Variants in NKIRAS1 observed in about 807,000 individuals in gnomAD.
The protein encoded by NKIRAS1 is NF-kappa-B inhibitor-interacting Ras-like protein 1.
A neutral mutation model predicts 19.8 loss-of-function variants in NKIRAS1; 16 were observed. That is an observed-to-expected ratio of 0.81 (90% CI 0.55 to 1.23). The LOEUF is 1.23. Among genes scored for constraint, NKIRAS1 ranks in the 50% most tolerant of loss-of-function variants. NKIRAS1 has a pLI of 0.00. For synonymous variants in NKIRAS1, 88 were observed against 79.0 expected, an observed-to-expected ratio of 1.11 and a Z score of -0.61; for missense variants, 184 against 220.0, an observed-to-expected ratio of 0.84 and a Z score of 1.04.
chr3:23,916,271 C>G (rs1704401002), intron 1 of NKIRAS1: 1 of 152,204 alleles, frequency 6.6e-6, no homozygotes, highest in Admixed American at 6.5e-5. Context: ...TGAAAATATT[C>G]TGGAGAAACA....
chr3:23,894,156 T>TA (rs1701738848), intron 4 of NKIRAS1, among the ~76,000 whole-genome samples: 1 of 152,212 alleles, frequency 6.6e-6, no homozygotes, highest in Non-Finnish European at 1.5e-5. Flanking sequence ...GAATGCTTAC[T>TA]ATACACCAGA....
chr3:23,900,841 C>T lies in NKIRAS1; in HGVS notation c.303G>A (p.Lys101=). The change falls in exon 4 of 5, where the codon AAG becomes AAA. Residue 101 remains lysine, a synonymous_variant. Transcript: ENST00000425478. ...TGTCTTTGAACTTATCGATTTCTTT[C>T]TTCAGAAGCTCCACTCTTTGAAAGG... ...LESFQRVELL[K]KEIDKFKDKK... The T allele has an allele frequency of 6.2e-7, 1 of 1,613,868 alleles. No individual in the cohort carries two copies. The highest frequency in any genetic ancestry group is 1.1e-5 in the South Asian group (1 of 91,070).
intron 4 of NKIRAS1, among the ~76,000 whole-genome samples, chr3:23,896,134 CAAAAA>C (rs71057634): frequency 2.0e-5 from 1 of 49,188 alleles, no homozygotes. Context: ...GACTCCATCT[CAAAAA>C]AAAAAAAAAA....
At chr3:23,938,826 G>T (rs1416117701) in intron 1 of NKIRAS1, among the ~76,000 whole-genome samples, 2 of 152,172 alleles carry the variant, frequency 1.3e-5, no homozygotes, top group Admixed American at 6.5e-5. Flanking sequence ...TGCATTGGAG[G>T]CCTGAGCTGC....
At chr3:23,917,935 C>A, upstream of NKIRAS1, 1 of 1,613,606 alleles carries the variant, frequency 6.2e-7, no homozygotes, top group Non-Finnish European at 8.5e-7. Context: ...TCTGAGGGTC[C>A]GCTGCTGGCA....
At chr3:23,906,496 G>C (rs938777521) in intron 3 of NKIRAS1, among the ~76,000 whole-genome samples, 8 of 152,194 alleles carry the variant, frequency 5.3e-5, no homozygotes, top group Non-Finnish European at 1.2e-4. Flanking sequence ...CTTACATGTA[G>C]ATTTTCTTTC....
rs1702438973 is a variant in NKIRAS1 at position 23,900,653 on chromosome 3, A to AAAAAAGAAAAAGAAAAAG, written c.336+154_336+155insCTTTTTCTTTTTCTTTTT. The AAAAAAGAAAAAGAAAAAG allele has an allele frequency of 5.0e-6, 3 of 604,982 alleles. No homozygotes were observed. In the African/African-American group the frequency reaches 5.6e-5, roughly 11 times the overall value. 37.5% of individuals were successfully genotyped at this position (604,982 alleles called of 1,614,324 possible). A position where few individuals can be genotyped will look rare whatever the true frequency, so the allele number is the denominator to read the frequency against. On this transcript the variant is annotated intron_variant, in intron 4 of 4. Transcript: ENST00000425478. The stretch of plus-strand genomic sequence containing the variant: ...CGAGACTCCGTCTCAAAAAAAAAAA[A>AAAAAAGAAAAAGAAAAAG]AAAAGAAAAAGAAAAAGAAAAGAAA...
chr3:23,920,549 CTA>C, upstream of NKIRAS1: 1 of 985,298 alleles, frequency 1.0e-6, no homozygotes, highest in Non-Finnish European at 1.2e-6. Context: ...GGAGACTAGA[CTA>C]CTGTTGTCCA....
intron 1 of NKIRAS1, among the ~76,000 whole-genome samples, chr3:23,929,939 T>C (rs571580437): frequency 2.6e-5 from 4 of 152,262 alleles, no homozygotes; most frequent in South Asian, 2.1e-4. Context: ...TTTTTTTTAA[T>C]TGGAAAAAAT....
rs140893851 is a variant in NKIRAS1, at chr3:23,893,748, G to A, written c.337-411C>T. On this transcript the variant is annotated intron_variant, in intron 4 of 4. Coordinates refer to ENST00000425478, the MANE Select transcript of NKIRAS1 (RefSeq NM_020345.4). ...GGAGGCAGAGAGGGTGCAGTAAGCC[G>A]AGATGGCGCCACTGCACTCCAGCCT... is the stretch of plus-strand genomic sequence containing the variant. Among the ~76,000 whole-genome samples the A allele has an allele frequency of 1.2e-4, 17 of 141,012 alleles. No homozygotes were observed. In the East Asian group the frequency reaches 2.5e-3, roughly 20 times the overall value. The allele number at this position is 141,012 out of a possible 152,430, so 92.5% of individuals were successfully genotyped here.
chr3:23,942,984 G>T (rs985458148), intron 1 of NKIRAS1, among the ~76,000 whole-genome samples: 2 of 152,212 alleles, frequency 1.3e-5, no homozygotes, highest in African/African-American at 4.8e-5. Flanking sequence ...TCCAATACCT[G>T]GGCTCATTGA....
Position 23,926,728 on chromosome 3 carries a change from G to A in NKIRAS1, c.-139-15278C>T, listed in dbSNP as rs189652118. On this transcript the variant is annotated intron_variant, in intron 1 of 4. Coordinates refer to the NKIRAS1 transcript ENST00000421515. This position sits in a 1 kb window ranked among gnomAD's most constrained non-coding sequence, Gnocchi z 4.3. The stretch of plus-strand genomic sequence containing the variant: ...CCAATGGTACAAACTGTAGAAGAAT[G>A]AACTGCTACAACACCTTTTCTAAGA... Among the ~76,000 whole-genome samples, 1 of 152,284 alleles carries A rather than the reference G, an allele frequency of 6.6e-6. No individual in the cohort carries two copies. Among genetic ancestry groups the A allele is most frequent in the East Asian group, 1.9e-4 (1 of 5,188 alleles).
chr3:23,893,266 C>T lies in NKIRAS1; in HGVS notation c.408G>A (p.Gln136=), dbSNP rs919038413. 4 of 1,613,956 alleles carry T rather than the reference C, an allele frequency of 2.5e-6. No homozygotes were observed. The highest frequency in any genetic ancestry group is 1.7e-5 in the Admixed American group (1 of 59,990). ...TTACTTTCTCACTTTTTGCCCACTG[C>T]TGTGCCACTTCAGCGTCCACTTGTC... ...EQRQVDAEVA[Q]QWAKSEKVRL... is the part of the protein sequence containing the mutation. The change falls in exon 5 of 5, where the codon CAG becomes CAA. Residue 136 remains glutamine (Q), a synonymous_variant. Coordinates refer to ENST00000425478, the MANE Select transcript of NKIRAS1 (RefSeq NM_020345.4).
chr3:23,936,554 T>G (rs1211789126), intron 1 of NKIRAS1, among the ~76,000 whole-genome samples: 2 of 152,178 alleles, frequency 1.3e-5, no homozygotes, highest in South Asian at 2.1e-4. Context: ...TTTTTCTTTT[T>G]TTTTTCTTTT....
chr3:23,910,638 A>G (rs529651581), intron 3 of NKIRAS1, among the ~76,000 whole-genome samples, 173 bp downstream of exon 3: 31 of 152,190 alleles, frequency 2.0e-4, no homozygotes, highest in Admixed American at 9.2e-4. Context: ...CTTGAATTTC[A>G]ATAACACTAA....
Position 23,922,664 on chromosome 3 carries a change from G to A in NKIRAS1, c.-139-11214C>T, listed in dbSNP as rs1016473526. On this transcript the variant is annotated intron_variant, in intron 1 of 4. Transcript: ENST00000421515. The surrounding 1 kb of genome is among the most constrained non-coding windows in gnomAD (Gnocchi z 4.2). ...GCCTCCCAAAGTGCCGGGATTACAG[G>A]TGTCAGCCACTGCACGTGGCCAACT... 12 of 152,018 alleles carry A rather than the reference G, an allele frequency of 7.9e-5. No individual in the cohort carries two copies. The highest frequency in any genetic ancestry group is 2.7e-4 in the African/African-American group (11 of 41,248). The allele number at this position is 152,018 out of a possible 1,614,324, so 9.4% of individuals were successfully genotyped here.
At chr3:23,895,783 T>C (rs1701920767) in intron 4 of NKIRAS1, among the ~76,000 whole-genome samples, 2 of 152,154 alleles carry the variant, frequency 1.3e-5, no homozygotes, top group African/African-American at 4.8e-5. Flanking sequence ...GTATCTCCTC[T>C]TCCTTCCCCA....
chr3:23,944,668 T>C (rs1705580448), intron 1 of NKIRAS1, among the ~76,000 whole-genome samples: 1 of 152,122 alleles, frequency 6.6e-6, no homozygotes, highest in South Asian at 2.1e-4. Context: ...GATGTAGGAA[T>C]CTGGAGATTA....
intron 3 of NKIRAS1, among the ~76,000 whole-genome samples, chr3:23,908,062 C>G (rs890751187): frequency 6.6e-6 from 1 of 152,174 alleles, no homozygotes; most frequent in Non-Finnish European, 1.5e-5. Context: ...AGGCAAAAAT[C>G]AGAATTGTAT....
Sources: gnomAD v4.1 joint callset for allele counts (sites outside exome capture counted in the v4.1 genomes callset) on GRCh38, gnomAD v4.1.1 for gene constraint, Gnocchi (gnomAD v3.1) non-coding constraint, MANE v1.5 for transcripts, NCBI Gene and HGNC (gene_info 2026-07-23, HGNC 2026-07-21) for gene names.